STX8: variants seen among roughly 807,000 people sequenced by gnomAD.
The protein encoded by STX8 is syntaxin-8.
In STX8, 23 loss-of-function variants were observed where a neutral mutation model predicts 37.5. The ratio of observed to expected loss-of-function variants is 0.61; its 90% CI spans 0.44 to 0.87. STX8 has a LOEUF of 0.87. STX8 is among the 40% of genes least tolerant of loss of function. The pLI is 0.00. For synonymous variants in STX8, 115 were observed against 99.1 expected, an observed-to-expected ratio of 1.16 and a Z score of -0.95; for missense variants, 313 against 284.7, an observed-to-expected ratio of 1.10 and a Z score of -0.71.
intron 3 of STX8, among the ~76,000 whole-genome samples, chr17:9,546,481 T>C (rs200755834): frequency 2.2e-4 from 33 of 151,712 alleles, no homozygotes; most frequent in Non-Finnish European, 2.9e-5. Flanking sequence ...ATGCGGCGCG[T>C]GCGCATGAAG....
chr17:9,565,612 CA>C (rs61319674), intron 2 of STX8, among the ~76,000 whole-genome samples: 52,370 of 72,790 alleles, frequency 0.72, 17,527 homozygotes, highest in South Asian at 0.83. Flanking sequence ...AACACCGTCT[CA>C]AAAAAAAAAA....
chr17:9,452,622 G>T (rs1437831087), intron 6 of STX8: 1 of 152,128 alleles, frequency 6.6e-6, no homozygotes, highest in Admixed American at 6.5e-5. Context: ...CTCTCGGTGT[G>T]ACAAAGCAGA....
At chr17:9,563,245 C>T (rs946324486) in intron 2 of STX8, among the ~76,000 whole-genome samples, 1 of 151,832 alleles carries the variant, frequency 6.6e-6, no homozygotes, top group African/African-American at 2.4e-5. Flanking sequence ...TGCAGTGGCA[C>T]GATCTCGGCT....
intron 6 of STX8, among the ~76,000 whole-genome samples, chr17:9,412,060 C>T (rs1250763603): frequency 6.6e-6 from 1 of 151,932 alleles, no homozygotes; most frequent in Admixed American, 6.6e-5. Flanking sequence ...ATATTAAAGT[C>T]CTAGTAGTAA....
chr17:9,306,909 A>T (rs1458132977), intron 7 of STX8, among the ~76,000 whole-genome samples: 3 of 151,944 alleles, frequency 2.0e-5, no homozygotes, highest in Non-Finnish European at 4.4e-5. Context: ...GAGGATCATG[A>T]GGTCAGCAGT....
chr17:9,499,328 C>G (rs561526084), intron 5 of STX8, among the ~76,000 whole-genome samples: 1 of 152,328 alleles, frequency 6.6e-6, no homozygotes, highest in Admixed American at 6.5e-5. Context: ...AATAAGGGTT[C>G]TGTGTGAAGA....
chr17:9,287,218 A>T, intron 7 of STX8, among the ~76,000 whole-genome samples: 1 of 152,158 alleles, frequency 6.6e-6, no homozygotes, highest in South Asian at 2.1e-4. Context: ...GATGAAACCT[A>T]AACAGCAGAT....
At chr17:9,512,149 T>G (rs1385714926) in intron 4 of STX8, among the ~76,000 whole-genome samples, 1 of 152,158 alleles carries the variant, frequency 6.6e-6, no homozygotes. Flanking sequence ...TTAATATTGT[T>G]AAAATGACTA....
At chr17:9,568,119 A>G (rs1265062316) in intron 2 of STX8, among the ~76,000 whole-genome samples, 1 of 152,242 alleles carries the variant, frequency 6.6e-6, no homozygotes, top group Non-Finnish European at 1.5e-5. Flanking sequence ...GAAGTTTACT[A>G]ACCCCTGAAC....
intron 4 of STX8, among the ~76,000 whole-genome samples, chr17:9,535,423 A>ATTTTTTTTTTTT (rs1597728764): frequency 4.9e-5 from 2 of 41,116 alleles, no homozygotes; most frequent in Non-Finnish European, 9.0e-5. Flanking sequence ...CAGCCATCCT[A>ATTTTTTTTTTTT]CTTTTTTTTT....
rs151190585 is a variant in STX8, at chr17:9,422,182, G to A, written c.542-43529C>T. 8.8e-3 allele frequency among the ~76,000 whole-genome samples: 1,323 copies of A among 150,446 alleles called. 27 individuals are homozygous for A. The highest frequency in any genetic ancestry group is 0.069 in the South Asian group (328 of 4,786). On this transcript the variant is annotated intron_variant, in intron 6 of 7. Coordinates refer to ENST00000306357, the MANE Select transcript of STX8 (RefSeq NM_004853.3). ...TGCAATGGCGCGATCTTGGCTCACT[G>A]CAACCTCTGCCTCCTGGGTTCAAGC...
chr17:9,369,685 A>C (rs952391042), intron 7 of STX8, among the ~76,000 whole-genome samples: 1 of 149,360 alleles, frequency 6.7e-6, no homozygotes, highest in African/African-American at 2.5e-5. Flanking sequence ...TGAGTCCAGG[A>C]GTTTGAGACC....
intron 6 of STX8, among the ~76,000 whole-genome samples, chr17:9,490,875 A>G (rs1906825342): frequency 6.6e-6 from 1 of 152,194 alleles, no homozygotes; most frequent in South Asian, 2.1e-4. Context: ...GGGGCCCTGC[A>G]GCCACTCTGA....
At chr17:9,260,811 T>C (rs1450498097) in intron 7 of STX8, among the ~76,000 whole-genome samples, 2 of 152,188 alleles carry the variant, frequency 1.3e-5, no homozygotes, top group Non-Finnish European at 2.9e-5. Context: ...GCCAGGCCCC[T>C]ACCTGGAGAG....
At chr17:9,503,457 C>T (rs549476061) in intron 5 of STX8, among the ~76,000 whole-genome samples, 54 of 152,096 alleles carry the variant, frequency 3.6e-4, no homozygotes, top group Middle Eastern at 3.2e-3. Context: ...CAAACATGGG[C>T]CATTTATGAT....
intron 7 of STX8, among the ~76,000 whole-genome samples, chr17:9,375,946 T>C (rs989332370): frequency 2.0e-5 from 3 of 152,236 alleles, no homozygotes; most frequent in Admixed American, 6.5e-5. Context: ...TCTCATGATA[T>C]CTATGCTCTG....
At chr17:9,299,746 C>G (rs945087102) in intron 7 of STX8, among the ~76,000 whole-genome samples, 1 of 152,042 alleles carries the variant, frequency 6.6e-6, no homozygotes, top group African/African-American at 2.4e-5. Flanking sequence ...TCGGGCCATT[C>G]TTACATTATT....
intron 7 of STX8, among the ~76,000 whole-genome samples, chr17:9,277,787 C>G (rs991214663): frequency 1.3e-5 from 2 of 151,970 alleles, no homozygotes; most frequent in Non-Finnish European, 2.9e-5. Flanking sequence ...GAGTGGGAAG[C>G]ACAGAGCAGC....
intron 4 of STX8, among the ~76,000 whole-genome samples, chr17:9,511,940 T>C (rs1905030202): frequency 6.6e-6 from 1 of 152,020 alleles, no homozygotes; most frequent in South Asian, 2.1e-4. Context: ...GGTGTTTCTA[T>C]AAATAATGAA....
Sources: allele counts gnomAD v4.1 joint callset (sites outside exome capture counted in the v4.1 genomes callset), GRCh38; gene constraint gnomAD v4.1.1; transcripts MANE v1.5; gene names NCBI Gene and HGNC (gene_info 2026-07-23, HGNC 2026-07-21).